The following AK5 variants were observed in gnomAD, a reference collection of about 807,000 sequenced individuals.
The protein encoded by AK5 is adenylate kinase isoenzyme 5.
In AK5, 27 loss-of-function variants were observed where a neutral mutation model predicts 69.5. The observed-to-expected ratio is 0.39, with a 90% CI of 0.29 to 0.54. AK5 has a LOEUF of 0.54. Among genes scored for constraint, AK5 ranks in the 20% least tolerant of loss-of-function variants. AK5 has a pLI of 0.71. For synonymous variants in AK5, 260 were observed against 244.4 expected (o/e 1.06, Z -0.60); for missense variants, 531 against 700.4 (o/e 0.76, Z 2.73).
intron 8 of AK5, among the ~76,000 whole-genome samples, chr1:77,470,880 T>C (rs1222996825): frequency 1.4e-5 from 1 of 71,056 alleles, no homozygotes; most frequent in Non-Finnish European, 2.7e-5. Flanking sequence ...TATATATTTT[T>C]TTTTTTTTTT....
intron 1 of AK5, chr1:77,283,702 A>G (rs886729787): frequency 1.2e-5 from 9 of 768,484 alleles, no homozygotes; most frequent in African/African-American, 3.8e-5. Flanking sequence ...GTGGTGTTGC[A>G]TAAGGACAGG....
Position 77,524,160 on chromosome 1 carries a change from A to C in AK5, c.1428+2217A>C, listed in dbSNP as rs972295894. 2.0e-5 allele frequency among the ~76,000 whole-genome samples: 3 copies of C among 152,196 alleles called. No homozygotes were observed. The East Asian group carries it at 5.8e-4, about 29-fold the overall frequency. On this transcript the variant is annotated intron_variant, in intron 12 of 13. Coordinates refer to ENST00000354567, the MANE Select transcript of AK5 (RefSeq NM_174858.3). ...TAACATTCCATTGTATGTATATGCC[A>C]CATTATTTTTATTCATTCACCTATC... is the stretch of plus-strand genomic sequence containing the variant.
intron 9 of AK5, among the ~76,000 whole-genome samples, chr1:77,484,016 T>G (rs1246687874): frequency 6.6e-6 from 1 of 151,920 alleles, no homozygotes; most frequent in Admixed American, 6.6e-5. Context: ...ACAAAAAAAT[T>G]TAGAAAGGCA....
chr1:77,301,054 A>G (rs1314524052), intron 5 of AK5, among the ~76,000 whole-genome samples: 1 of 152,194 alleles, frequency 6.6e-6, no homozygotes, highest in Non-Finnish European at 1.5e-5. Flanking sequence ...GGTATCAGCC[A>G]TATATGGGTG....
chr1:77,303,912 T>A (rs1182409030), intron 5 of AK5, among the ~76,000 whole-genome samples: 3 of 152,190 alleles, frequency 2.0e-5, no homozygotes, highest in African/African-American at 4.8e-5. Flanking sequence ...AAGGGGCACA[T>A]GAGATATTTG....
At chr1:77,344,388 C>T (rs1380752019) in intron 6 of AK5, among the ~76,000 whole-genome samples, 1 of 151,898 alleles carries the variant, frequency 6.6e-6, no homozygotes. Context: ...TTTAACTTAC[C>T]CTGAAGTTGG....
intron 5 of AK5, among the ~76,000 whole-genome samples, chr1:77,327,561 A>C (rs1247912590): frequency 6.6e-6 from 1 of 152,226 alleles, no homozygotes; most frequent in Non-Finnish European, 1.5e-5. Flanking sequence ...TTTGCAGTTT[A>C]TTCAATCATG....
At chr1:77,493,438 G>T (rs1171283129) in intron 10 of AK5, among the ~76,000 whole-genome samples, 1 of 151,950 alleles carries the variant, frequency 6.6e-6, no homozygotes, top group East Asian at 1.9e-4. Flanking sequence ...CCTCTATAAT[G>T]GAGTGAACCA....
chr1:77,344,896 T>A (rs1295306358), intron 6 of AK5, among the ~76,000 whole-genome samples: 2 of 151,992 alleles, frequency 1.3e-5, no homozygotes, highest in Admixed American at 1.3e-4. Flanking sequence ...GAAACAGAAT[T>A]AATTAAGACA....
chr1:77,383,277 C>G (rs181704730), intron 6 of AK5, among the ~76,000 whole-genome samples: 61 of 152,172 alleles, frequency 4.0e-4, no homozygotes, highest in African/African-American at 1.4e-3. Context: ...CCAAACAAAA[C>G]AAGAGTACAC....
chr1:77,496,264 A>G (rs1656309417), intron 10 of AK5, among the ~76,000 whole-genome samples: 1 of 152,214 alleles, frequency 6.6e-6, no homozygotes, highest in South Asian at 2.1e-4. Context: ...GCAGCCTCAG[A>G]GATGAGATGG....
chr1:77,293,826 G>A lies in AK5; in HGVS notation c.281G>A (p.Arg94Gln), dbSNP rs959882495. 1.9e-6 allele frequency: 3 copies of A among 1,607,100 alleles called. No individual in the cohort carries two copies. Among genetic ancestry groups the A allele is most frequent in the Non-Finnish European group, 2.5e-6 (3 of 1,177,984 alleles). The change falls in exon 3 of 14, where the codon CGG becomes CAG. Residue 94 changes from arginine to glutamine, a missense_variant. Coordinates refer to ENST00000354567, the MANE Select transcript of AK5 (RefSeq NM_174858.3). ...MPENSNFPYR[R>Q]YDRLPPIHQF... ...GAAAACTCAAACTTTCCATATCGGC[G>A]GTATGACCGGCTCCCTCCAATCCAT... is the stretch of plus-strand genomic sequence containing the variant.
At chr1:77,455,920 A>C (rs184786073) in intron 8 of AK5, among the ~76,000 whole-genome samples, 1 of 152,342 alleles carries the variant, frequency 6.6e-6, no homozygotes, top group Admixed American at 6.5e-5. Flanking sequence ...GTCTTCCAGA[A>C]TAGAGCAGAT....
At chr1:77,345,999 T>C (rs1005204859) in intron 6 of AK5, 1 of 152,226 alleles carries the variant, frequency 6.6e-6, no homozygotes, top group African/African-American at 2.4e-5. Context: ...TATATACTGA[T>C]TCTTACCATA....
chr1:77,430,606 A>C (rs548827899), intron 8 of AK5, among the ~76,000 whole-genome samples: 1 of 152,348 alleles, frequency 6.6e-6, no homozygotes, highest in East Asian at 1.9e-4. Context: ...GAAAGAAAAC[A>C]AAATTGAGAG....
intron 10 of AK5, among the ~76,000 whole-genome samples, chr1:77,498,780 A>G (rs1347612979): frequency 6.6e-6 from 1 of 152,234 alleles, no homozygotes; most frequent in East Asian, 1.9e-4. Flanking sequence ...AATTGGAACA[A>G]GGAAAGGAAC....
At chr1:77,411,459 A>T (rs1046104573) in intron 7 of AK5, among the ~76,000 whole-genome samples, 20 of 152,048 alleles carry the variant, frequency 1.3e-4, no homozygotes, top group Admixed American at 2.0e-4. Flanking sequence ...ATCCCCTCCA[A>T]TCTGGTAGCC....
chr1:77,558,792 C>CCTGA lies in AK5; in HGVS notation c.*124_*127dup, dbSNP rs1300741230. The CCTGA allele has an allele frequency of 1.3e-5, 9 of 688,570 alleles. No individual in the cohort carries two copies. The Admixed American group carries it at 2.0e-4, about 15-fold the overall frequency. The allele number at this position is 688,570 out of a possible 1,614,324, so 42.7% of individuals were successfully genotyped here. On this transcript the variant is annotated 3_prime_UTR_variant, in exon 14 of 14. Transcript: ENST00000354567. Reference sequence around the variant, plus strand: ...CCCCACCAACCACCACCTCCTAAATCCTGACAGCACTGTTTGCTTCCCAGC... The same window carrying CCTGA: ...CCCCACCAACCACCACCTCCTAAATCCTGACTGACAGCACTGTTTGCTTCCCAGC...
chr1:77,300,907 T>C (rs1398611255), intron 5 of AK5, among the ~76,000 whole-genome samples: 1 of 152,234 alleles, frequency 6.6e-6, no homozygotes, highest in Non-Finnish European at 1.5e-5. Flanking sequence ...TTTATTATAC[T>C]GCATCTCCTC....
Sources: allele counts gnomAD v4.1 joint callset (sites outside exome capture counted in the v4.1 genomes callset), GRCh38; gene constraint gnomAD v4.1.1; transcripts MANE v1.5; gene names NCBI Gene and HGNC (gene_info 2026-07-23, HGNC 2026-07-21).